GALNT13: variants seen among roughly 807,000 people sequenced by gnomAD.
GALNT13 encodes UDP-GalNAc:polypeptide N-acetylgalactosaminyltransferase 13.
Under a neutral mutation model 64.2 loss-of-function variants are expected in GALNT13, and 28 were observed. The ratio of observed to expected loss-of-function variants is 0.44; its 90% confidence interval spans 0.32 to 0.60. The LOEUF is 0.60. GALNT13 is among the 20% of genes least tolerant of loss of function. The pLI, the probability that GALNT13 is intolerant of heterozygous loss-of-function variation, is 0.05. For missense variants in GALNT13, 577 were observed against 669.8 expected, an observed-to-expected ratio of 0.86 and a Z score of 1.53; for synonymous variants, 214 against 224.6, an observed-to-expected ratio of 0.95 and a Z score of 0.42.
the GALNT13 span, among the ~76,000 whole-genome samples, chr2:153,428,230 C>T: frequency 1.3e-5 from 2 of 152,158 alleles, no homozygotes; most frequent in African/African-American, 4.8e-5. Context: ...GCTCACAGTT[C>T]TGCAGGCTAT....
At chr2:154,437,658 C>T (rs774488295) in intron 11 of GALNT13, 2 of 514,302 alleles carry the variant, frequency 3.9e-6, no homozygotes, top group Non-Finnish European at 3.5e-6. Flanking sequence ...AGATTGAGAC[C>T]ATCCTGGCCA....
At chr2:153,729,897 A>G in the GALNT13 span, among the ~76,000 whole-genome samples, 1 of 151,818 alleles carries the variant, frequency 6.6e-6, no homozygotes, top group Non-Finnish European at 1.5e-5. Flanking sequence ...TAAAATATCC[A>G]GAAAGAGAAC....
chr2:153,499,027 T>G, the GALNT13 span, among the ~76,000 whole-genome samples: 1 of 152,148 alleles, frequency 6.6e-6, no homozygotes, highest in Non-Finnish European at 1.5e-5. Context: ...TTTGGTATTT[T>G]TAGTAGAGAC....
At chr2:154,095,114 A>C (rs931271390) in intron 3 of GALNT13, among the ~76,000 whole-genome samples, 6 of 151,922 alleles carry the variant, frequency 3.9e-5, no homozygotes, top group African/African-American at 1.4e-4. Context: ...ATGTTTTCAA[A>C]GGAAGAATTC....
At chr2:154,414,166 T>C (rs1206596710) in intron 11 of GALNT13, among the ~76,000 whole-genome samples, 1 of 152,074 alleles carries the variant, frequency 6.6e-6, no homozygotes, top group Non-Finnish European at 1.5e-5. Flanking sequence ...TCAAAGGTTA[T>C]GCAAAATTAG....
chr2:154,375,280 A>G (rs959171636), intron 9 of GALNT13, among the ~76,000 whole-genome samples: 13 of 150,526 alleles, frequency 8.6e-5, no homozygotes, highest in Non-Finnish European at 1.6e-4. Flanking sequence ...GAGCCACCGC[A>G]TCCAGCCAGA....
chr2:154,225,195 T>TAGAG (rs758151463), intron 4 of GALNT13, among the ~76,000 whole-genome samples: 16 of 147,702 alleles, frequency 1.1e-4, no homozygotes, highest in East Asian at 4.1e-4. Flanking sequence ...GATAGATAGA[T>TAGAG]ACAGAGACTG....
At chr2:153,305,482 A>G in the GALNT13 span, among the ~76,000 whole-genome samples, 2 of 152,182 alleles carry the variant, frequency 1.3e-5, no homozygotes, top group Non-Finnish European at 2.9e-5. Context: ...AATGATACCA[A>G]TCTCTGAACT....
At chr2:153,176,097 A>C in the GALNT13 span, among the ~76,000 whole-genome samples, 5 of 152,160 alleles carry the variant, frequency 3.3e-5, no homozygotes, top group African/African-American at 9.7e-5. Flanking sequence ...GAAGAACTGA[A>C]TGTTGTGAAA....
At chr2:154,083,117 G>A (rs907699564) in intron 3 of GALNT13, among the ~76,000 whole-genome samples, 4 of 151,934 alleles carry the variant, frequency 2.6e-5, no homozygotes, top group Admixed American at 6.6e-5. Flanking sequence ...TCCAGTTTCA[G>A]TTTTCTGCAT....
chr2:153,649,529 C>T, the GALNT13 span, among the ~76,000 whole-genome samples: 112,202 of 129,544 alleles, frequency 0.87, 48,391 homozygotes, highest in East Asian at 0.9. Flanking sequence ...TTTGCTCTTG[C>T]TTTTCTAGTT....
At chr2:153,205,200 A>C in the GALNT13 span, among the ~76,000 whole-genome samples, 1 of 147,798 alleles carries the variant, frequency 6.8e-6, no homozygotes. Context: ...TTTTGTAAAC[A>C]GAATTTAGTG....
At chr2:153,079,171 A>G in the GALNT13 span, among the ~76,000 whole-genome samples, 1 of 152,146 alleles carries the variant, frequency 6.6e-6, no homozygotes, top group African/African-American at 2.4e-5. Flanking sequence ...CCAAACAGAA[A>G]AGTACTGGGG....
intron 4 of GALNT13, among the ~76,000 whole-genome samples, chr2:154,230,832 T>C (rs1049166443): frequency 6.6e-6 from 1 of 151,624 alleles, no homozygotes; most frequent in Non-Finnish European, 1.5e-5. Flanking sequence ...TTGTGACTGC[T>C]TTTGTTACTG....
Position 154,361,727 on chromosome 2 carries a change from C to G in GALNT13, c.1157-34264C>G, listed in dbSNP as rs7584647. Among the ~76,000 whole-genome samples the G allele has an allele frequency of 4.5e-3, 686 of 152,154 alleles. 8 individuals carry two copies. The highest frequency in any genetic ancestry group is 0.016 in the African/African-American group (657 of 41,530). ...CTGATTAGTAAAAGAATCATATCCA[C>G]TTAATTTCTGGGCCTTTGAATGTCA... On this transcript the variant is annotated intron_variant, in intron 9 of 12. Coordinates refer to ENST00000392825, the MANE Select transcript of GALNT13 (RefSeq NM_052917.4).
chr2:153,221,489 T>A, the GALNT13 span, among the ~76,000 whole-genome samples: 1 of 152,296 alleles, frequency 6.6e-6, no homozygotes, highest in South Asian at 2.1e-4. Context: ...AAGATTATCA[T>A]GGATACAGAG....
chr2:153,250,225 A>G, the GALNT13 span, among the ~76,000 whole-genome samples: 5 of 152,250 alleles, frequency 3.3e-5, no homozygotes, highest in Non-Finnish European at 5.9e-5. Flanking sequence ...TGGGCAAAGG[A>G]TATGAACAGA....
chr2:153,197,506 G>T, the GALNT13 span, among the ~76,000 whole-genome samples: 1 of 152,234 alleles, frequency 6.6e-6, no homozygotes, highest in East Asian at 1.9e-4. Flanking sequence ...GATGAAGCAG[G>T]ACAATTCCTG....
intron 1 of GALNT13, among the ~76,000 whole-genome samples, chr2:153,875,374 A>C (rs1686289661): frequency 6.6e-6 from 1 of 152,216 alleles, no homozygotes; most frequent in Non-Finnish European, 1.5e-5. Context: ...TTATATTTAA[A>C]AATAGCAAAG....
Sources: allele counts gnomAD v4.1 joint callset (sites outside exome capture counted in the v4.1 genomes callset), GRCh38; gene constraint gnomAD v4.1.1; transcripts MANE v1.5; gene names NCBI Gene and HGNC (gene_info 2026-07-23, HGNC 2026-07-21).